The following CLASP1 variants were observed in gnomAD, a reference collection of about 807,000 sequenced individuals.
CLASP1 encodes CLIP-associating protein 1.
CLASP1 carries 38 observed loss-of-function variants against 192.3 expected under a neutral mutation model. The ratio of observed to expected loss-of-function variants is 0.20; its 90% CI spans 0.15 to 0.26. The LOEUF (loss-of-function observed/expected upper bound fraction) is 0.26. Ranked by LOEUF, CLASP1 falls within the 10% of genes least tolerant of loss-of-function variation. The probability of loss-of-function intolerance (pLI) is 1.00; values close to 1 mark genes in which losing one functional copy is unlikely to be tolerated. For synonymous variants in CLASP1, 691 were observed against 712.8 expected (o/e 0.97, Z 0.49); for missense variants, 1,433 against 1,932.5 (o/e 0.74, Z 4.85).
chr2:121,546,383 C>T (rs574664812), intron 2 of CLASP1, among the ~76,000 whole-genome samples: 13 of 151,070 alleles, frequency 8.6e-5, no homozygotes, highest in African/African-American at 2.7e-4. Context: ...ACGAGAGGAG[C>T]GAAGGGGCGA....
At chr2:121,447,424 T>C (rs1202580283) in exon 19 of CLASP1, 1 of 1,567,162 alleles carries the variant, frequency 6.4e-7, no homozygotes, top group African/African-American at 1.4e-5. Context: ...GATTTGGCAC[T>C]GGCTGCTGCG....
At chr2:121,477,680 GAC>G (rs1350545958) in intron 8 of CLASP1, among the ~76,000 whole-genome samples, 1 of 152,086 alleles carries the variant, frequency 6.6e-6, no homozygotes, top group Non-Finnish European at 1.5e-5. Context: ...TACTTATTGT[GAC>G]ACTTTGTGCA....
At position 121,501,870 on chromosome 2, in the gene CLASP1, T is replaced by C. The variant is rs1040060874; in HGVS notation, c.712+1297A>G. Among the ~76,000 whole-genome samples, 43 of 152,190 alleles carry C rather than the reference T, an allele frequency of 2.8e-4. 2 individuals carry two copies. The highest frequency in any genetic ancestry group is 5.9e-5 in the Non-Finnish European group (4 of 68,020). The stretch of plus-strand genomic sequence containing the variant: ...AAGACAGTAGTAATGATGAGGAGAA[T>C]TACTGGGATTCGGGGTGCAGTTTTA... On this transcript the variant is annotated intron_variant, in intron 8 of 39. Transcript: ENST00000263710.
intron 7 of CLASP1, among the ~76,000 whole-genome samples, chr2:121,514,816 G>A (rs1452135800): frequency 6.6e-6 from 1 of 152,154 alleles, no homozygotes; most frequent in Non-Finnish European, 1.5e-5. Flanking sequence ...GAAACAGGAC[G>A]GAGAAAATTA....
At chr2:121,384,047 T>TACAC (rs2072503996) in intron 32 of CLASP1, among the ~76,000 whole-genome samples, 1 of 135,610 alleles carries the variant, frequency 7.4e-6, no homozygotes, top group East Asian at 2.0e-4. Flanking sequence ...TATGTATATA[T>TACAC]ACACACATAT....
At chr2:121,531,169 A>G (rs199670195) in intron 2 of CLASP1, among the ~76,000 whole-genome samples, 1 of 152,168 alleles carries the variant, frequency 6.6e-6, no homozygotes, top group East Asian at 1.9e-4. Flanking sequence ...GAAGGATTTC[A>G]ACAGAACTTC....
intron 1 of CLASP1, among the ~76,000 whole-genome samples, chr2:121,609,905 C>G (rs1443502886): frequency 6.6e-6 from 1 of 152,122 alleles, no homozygotes; most frequent in Admixed American, 6.6e-5. Flanking sequence ...CGCCACTGCA[C>G]TCCAGCCTGG....
At chr2:121,496,018 C>T (rs1040593801) in intron 8 of CLASP1, among the ~76,000 whole-genome samples, 10 of 152,208 alleles carry the variant, frequency 6.6e-5, no homozygotes, top group East Asian at 3.8e-4. Flanking sequence ...AGGGCACAGA[C>T]GCCTTTCCTA....
At chr2:121,593,502 C>T (rs1452800337) in intron 2 of CLASP1, among the ~76,000 whole-genome samples, 1 of 151,806 alleles carries the variant, frequency 6.6e-6, no homozygotes, top group East Asian at 1.9e-4. Context: ...GCCTATAATC[C>T]CAGCTACTTG....
intron 8 of CLASP1, among the ~76,000 whole-genome samples, chr2:121,489,918 G>T (rs965871024): frequency 1.3e-5 from 2 of 152,132 alleles, no homozygotes; most frequent in Middle Eastern, 3.4e-3. Context: ...ACCACTTAGC[G>T]TTATTAACAA....
intron 32 of CLASP1, among the ~76,000 whole-genome samples, chr2:121,383,287 C>T (rs1433485094): frequency 6.6e-6 from 1 of 152,226 alleles, no homozygotes; most frequent in African/African-American, 2.4e-5. Flanking sequence ...ATGCTAGTCT[C>T]CCCTGAGCAC....
At chr2:121,453,178 CT>C (rs2085886612) in intron 14 of CLASP1, among the ~76,000 whole-genome samples, 1 of 152,110 alleles carries the variant, frequency 6.6e-6, no homozygotes, top group Admixed American at 6.5e-5. Flanking sequence ...TAATAAAGTC[CT>C]AGCTATTTAG....
At chr2:121,454,865 A>G (rs1028910201) in intron 14 of CLASP1, among the ~76,000 whole-genome samples, 9 of 152,242 alleles carry the variant, frequency 5.9e-5, no homozygotes, top group African/African-American at 9.6e-5. Context: ...CAAAATGAAA[A>G]TAACAACAGC....
chr2:121,469,280 C>T (rs1235008971), intron 9 of CLASP1, among the ~76,000 whole-genome samples: 1 of 152,182 alleles, frequency 6.6e-6, no homozygotes, highest in Non-Finnish European at 1.5e-5. Flanking sequence ...CACCATGGCT[C>T]ACTGGGAACT....
At chr2:121,526,141 G>A (rs1006666345) in intron 5 of CLASP1, among the ~76,000 whole-genome samples, 5 of 152,156 alleles carry the variant, frequency 3.3e-5, no homozygotes, top group African/African-American at 7.2e-5. Context: ...ATAAGTCTTC[G>A]TCCTGTCCCC....
At chr2:121,512,688 T>A (rs1477567044) in intron 7 of CLASP1, among the ~76,000 whole-genome samples, 1 of 152,172 alleles carries the variant, frequency 6.6e-6, no homozygotes, top group Non-Finnish European at 1.5e-5. Flanking sequence ...GTGAAGCTGG[T>A]TGTACAGGTC....
intron 1 of CLASP1, among the ~76,000 whole-genome samples, chr2:121,630,833 C>A (rs1374443772): frequency 7.2e-6 from 1 of 138,474 alleles, no homozygotes; most frequent in African/African-American, 2.8e-5. Flanking sequence ...GCACTCCAGC[C>A]TGGACAACAA....
chr2:121,363,820 G>A (rs185711207), intron 36 of CLASP1, among the ~76,000 whole-genome samples: 4 of 152,142 alleles, frequency 2.6e-5, no homozygotes, highest in Non-Finnish European at 4.4e-5. Context: ...TACAGGCCTC[G>A]AGTTGGTTAA....
chr2:121,354,751 T>G (rs1278507151), intron 37 of CLASP1, among the ~76,000 whole-genome samples: 1 of 151,838 alleles, frequency 6.6e-6, no homozygotes, highest in Non-Finnish European at 1.5e-5. Flanking sequence ...TGCACAGGAG[T>G]CAATATCTGA....
Sources: gnomAD v4.1 joint callset for allele counts (sites outside exome capture counted in the v4.1 genomes callset) on GRCh38, gnomAD v4.1.1 for gene constraint, MANE v1.5 for transcripts, NCBI Gene and HGNC (gene_info 2026-07-23, HGNC 2026-07-21) for gene names.